SPMIP2: variants seen among roughly 807,000 people sequenced by gnomAD.
SPMIP2 encodes the protein sperm microtubule inner protein 2.
At chr4:158,978,530 C>T in the SPMIP2 span, among the ~76,000 whole-genome samples, 2 of 152,054 alleles carry the variant, frequency 1.3e-5, no homozygotes, top group African/African-American at 4.8e-5. Context: ...GACTCTAACA[C>T]AATAATAGTG....
At chr4:158,946,790 T>C in the SPMIP2 span, among the ~76,000 whole-genome samples, 1 of 152,216 alleles carries the variant, frequency 6.6e-6, no homozygotes, top group Non-Finnish European at 1.5e-5. Flanking sequence ...TGATCAATCA[T>C]GTATTAGGCT....
the SPMIP2 span, among the ~76,000 whole-genome samples, chr4:159,005,025 G>A: frequency 6.6e-6 from 1 of 151,998 alleles, no homozygotes; most frequent in African/African-American, 2.4e-5. Flanking sequence ...GAGGTCAGGA[G>A]TTCGACATCA....
At chr4:158,993,137 G>C in the SPMIP2 span, among the ~76,000 whole-genome samples, 2 of 151,872 alleles carry the variant, frequency 1.3e-5, no homozygotes, top group Non-Finnish European at 2.9e-5. Context: ...AAGAAGGGAG[G>C]ATCACTGGAG....
At chr4:158,973,142 A>G in the SPMIP2 span, 8 of 1,612,188 alleles carry the variant, frequency 5.0e-6, no homozygotes, top group South Asian at 8.8e-5. Context: ...GTATTCTCCA[A>G]CCAATTTCAC....
At chr4:158,896,653 C>T in the SPMIP2 span, among the ~76,000 whole-genome samples, 4 of 152,240 alleles carry the variant, frequency 2.6e-5, no homozygotes, top group East Asian at 1.9e-4. Context: ...CAGAATGTGA[C>T]GCCTGTGTTG....
chr4:159,075,361 C>T, the SPMIP2 span, among the ~76,000 whole-genome samples: 1 of 152,304 alleles, frequency 6.6e-6, no homozygotes, highest in East Asian at 1.9e-4. Flanking sequence ...CAAAGATTAA[C>T]TTGTCATCAA....
the SPMIP2 span, among the ~76,000 whole-genome samples, chr4:158,986,991 C>G: frequency 2.1e-5 from 3 of 141,904 alleles, no homozygotes; most frequent in Non-Finnish European, 4.6e-5. Flanking sequence ...AGACACTTCT[C>G]AAAAGAAGAC....
the SPMIP2 span, among the ~76,000 whole-genome samples, chr4:159,000,494 CTT>C: frequency 1.2e-4 from 15 of 129,972 alleles, no homozygotes; most frequent in African/African-American, 8.5e-5. Flanking sequence ...TCTTCTTCTT[CTT>C]TTTTTTTTTT....
the SPMIP2 span, among the ~76,000 whole-genome samples, chr4:159,066,996 C>T: frequency 6.6e-6 from 1 of 152,068 alleles, no homozygotes; most frequent in Non-Finnish European, 1.5e-5. Flanking sequence ...GGGCCAGGAA[C>T]CTGTAAGTCA....
At chr4:159,023,379 C>T in the SPMIP2 span, among the ~76,000 whole-genome samples, 6 of 152,138 alleles carry the variant, frequency 3.9e-5, no homozygotes, top group Non-Finnish European at 7.4e-5. Context: ...ACTGTACCAC[C>T]GGCATTCCTG....
At chr4:159,014,806 G>C in the SPMIP2 span, among the ~76,000 whole-genome samples, 5 of 151,484 alleles carry the variant, frequency 3.3e-5, no homozygotes, top group African/African-American at 1.2e-4. Context: ...ACTAACCATA[G>C]CTGACGAGCT....
At chr4:159,070,562 A>G in the SPMIP2 span, among the ~76,000 whole-genome samples, 1 of 152,206 alleles carries the variant, frequency 6.6e-6, no homozygotes, top group Non-Finnish European at 1.5e-5. Context: ...AGATACACAT[A>G]TGGTTTGGAA....
chr4:159,071,242 T>C, the SPMIP2 span, among the ~76,000 whole-genome samples: 1 of 152,180 alleles, frequency 6.6e-6, no homozygotes, highest in African/African-American at 2.4e-5. Flanking sequence ...CTGAGTTAAC[T>C]TTTGGCAGTA....
the SPMIP2 span, among the ~76,000 whole-genome samples, chr4:159,005,440 A>G: frequency 6.6e-6 from 1 of 152,096 alleles, no homozygotes; most frequent in East Asian, 1.9e-4. Context: ...GCGAAACTCC[A>G]TCTCAAAACA....
At chr4:159,065,995 C>T in the SPMIP2 span, among the ~76,000 whole-genome samples, 1 of 152,144 alleles carries the variant, frequency 6.6e-6, no homozygotes. Context: ...TCATTTGTGG[C>T]TATGTATGTG....
At chr4:159,072,067 C>T in the SPMIP2 span, among the ~76,000 whole-genome samples, 1 of 152,222 alleles carries the variant, frequency 6.6e-6, no homozygotes, top group African/African-American at 2.4e-5. Flanking sequence ...AGTCCCAGCA[C>T]TTTGGTAGGC....
At chr4:159,054,229 C>T in the SPMIP2 span, among the ~76,000 whole-genome samples, 5 of 152,122 alleles carry the variant, frequency 3.3e-5, no homozygotes, top group African/African-American at 4.8e-5. Context: ...GTGAACCTCC[C>T]GCCTTGACCT....
the SPMIP2 span, among the ~76,000 whole-genome samples, chr4:158,945,648 C>T: frequency 6.6e-6 from 1 of 152,316 alleles, no homozygotes; most frequent in Admixed American, 6.5e-5. Context: ...GGCTGTCCCT[C>T]ATCGCTGGGC....
At chr4:158,964,869 C>G in the SPMIP2 span, among the ~76,000 whole-genome samples, 1 of 152,188 alleles carries the variant, frequency 6.6e-6, no homozygotes, top group African/African-American at 2.4e-5. Flanking sequence ...ATCAAACCAT[C>G]AGATCTCACG....
Sources: gnomAD v4.1 joint callset for allele counts (sites outside exome capture counted in the v4.1 genomes callset) on GRCh38, gnomAD v4.1.1 for gene constraint, MANE v1.5 for transcripts, NCBI Gene and HGNC (gene_info 2026-07-23, HGNC 2026-07-21) for gene names.